The following RSF1 variants were observed in gnomAD, a reference collection of about 807,000 sequenced individuals.
RSF1 encodes the protein HBV pX-associated protein 8.
In RSF1, 13 loss-of-function variants were observed where a neutral mutation model predicts 145.2. The ratio of observed to expected loss-of-function variants is 0.09; its 90% CI spans 0.06 to 0.14. The LOEUF (loss-of-function observed/expected upper bound fraction) is 0.14. Ranked by LOEUF, RSF1 falls within the 10% of genes least tolerant of loss-of-function variation. The probability of loss-of-function intolerance (pLI) is 1.00; values close to 1 mark genes in which losing one functional copy is unlikely to be tolerated. For missense variants in RSF1, 1,517 were observed against 1,718.2 expected, an observed-to-expected ratio of 0.88 and a Z score of 2.07; for synonymous variants, 577 against 592.6, an observed-to-expected ratio of 0.97 and a Z score of 0.38.
intron 4 of RSF1, among the ~76,000 whole-genome samples, chr11:77,730,807 T>C (rs780829186): frequency 6.6e-6 from 1 of 152,202 alleles, no homozygotes; most frequent in Non-Finnish European, 1.5e-5. Flanking sequence ...GCCATTGATG[T>C]AAGACATGAC....
At chr11:77,738,582 G>T (rs2135907224) in intron 4 of RSF1, 1 of 152,242 alleles carries the variant, frequency 6.6e-6, no homozygotes, top group Middle Eastern at 3.4e-3. Flanking sequence ...GTCTACAGAT[G>T]GTAAGTGGAT....
chr11:77,861,797 T>A, the RSF1 span, among the ~76,000 whole-genome samples: 5 of 152,168 alleles, frequency 3.3e-5, no homozygotes, highest in Non-Finnish European at 7.3e-5. Context: ...TGGCCTTTTT[T>A]TTATCCCATT....
rs1299430098 is a variant in RSF1, at chr11:77,692,491, G to A, written c.2820+1016C>T. ...GATCTCCTGACCTCGTGATCCGCCC[G>A]CCTCGGCCTCCCAAAGTGCTGGGAT... On this transcript the variant is annotated intron_variant, in intron 8 of 15. Transcript: ENST00000308488. 5.9e-4 allele frequency among the ~76,000 whole-genome samples: 83 copies of A among 141,726 alleles called. 2 individuals are homozygous for A. The highest frequency in any genetic ancestry group is 1.0e-3 in the Non-Finnish European group (67 of 66,444). The allele number at this position is 141,726 out of a possible 152,430, so 93.0% of individuals were successfully genotyped here. A position where few individuals can be genotyped will look rare whatever the true frequency, so the allele number is the denominator to read the frequency against.
chr11:77,803,734 C>T (rs980215273), intron 1 of RSF1, among the ~76,000 whole-genome samples: 6 of 151,902 alleles, frequency 3.9e-5, no homozygotes, highest in African/African-American at 1.2e-4. Context: ...GCCAAGAGCA[C>T]GCTACTGCAC....
chr11:77,860,907 C>T, the RSF1 span, among the ~76,000 whole-genome samples: 54 of 152,202 alleles, frequency 3.5e-4, no homozygotes, highest in African/African-American at 1.2e-3. Context: ...CTTGCACTAA[C>T]GTTCACTGTC....
chr11:77,853,011 AT>A, the RSF1 span, among the ~76,000 whole-genome samples: 20 of 151,416 alleles, frequency 1.3e-4, no homozygotes, highest in African/African-American at 4.6e-4. Flanking sequence ...AACCATGTAC[AT>A]TTTTTTTTGT....
chr11:77,725,515 CA>C, intron 5 of RSF1, 29 bp downstream of exon 5: 1 of 1,493,268 alleles, frequency 6.7e-7, no homozygotes, highest in South Asian at 1.4e-5. Context: ...GATTACAAAA[CA>C]AAGCAAAACA....
At chr11:77,806,967 AC>A (rs1948683801) in intron 1 of RSF1, among the ~76,000 whole-genome samples, 1 of 152,266 alleles carries the variant, frequency 6.6e-6, no homozygotes, top group Non-Finnish European at 1.5e-5. Context: ...TATGCTAAAT[AC>A]TAGGCTAGAA....
At chr11:77,841,436 G>A in the RSF1 span, among the ~76,000 whole-genome samples, 1 of 152,146 alleles carries the variant, frequency 6.6e-6, no homozygotes, top group Non-Finnish European at 1.5e-5. Context: ...ATAGCTTAGT[G>A]TTCAGCCAAA....
At chr11:77,738,081 A>G (rs1961409956) in intron 4 of RSF1, among the ~76,000 whole-genome samples, 1 of 152,244 alleles carries the variant, frequency 6.6e-6, no homozygotes, top group South Asian at 2.1e-4. Context: ...GTGAGCCAAG[A>G]TCGCGCCACT....
At chr11:77,669,531 C>T (rs1959463272) in intron 15 of RSF1, among the ~76,000 whole-genome samples, 3 of 152,138 alleles carry the variant, frequency 2.0e-5, no homozygotes, top group Admixed American at 2.0e-4. Context: ...ACACTAGTCA[C>T]ATGTGGTTAT....
chr11:77,716,621 G>GA (rs1478912032), intron 5 of RSF1, among the ~76,000 whole-genome samples: 1 of 152,138 alleles, frequency 6.6e-6, no homozygotes, highest in Admixed American at 6.5e-5. Flanking sequence ...AAGGTGTGGG[G>GA]AGATGCTGGT....
intron 4 of RSF1, among the ~76,000 whole-genome samples, chr11:77,728,441 G>A (rs1174619297): frequency 6.6e-6 from 1 of 151,964 alleles, no homozygotes. Context: ...TTTGGAGGGC[G>A]AGGCAGGCAG....
intron 2 of RSF1, among the ~76,000 whole-genome samples, chr11:77,751,209 GATC>G (rs1019928003): frequency 1.3e-5 from 2 of 152,120 alleles, no homozygotes; most frequent in Non-Finnish European, 2.9e-5. Context: ...ATCTCAGTGG[GATC>G]ATTAACTTAT....
Position 77,745,771 on chromosome 11 carries a change from C to A in RSF1, c.372+1265G>T, listed in dbSNP as rs967101444. Reference sequence around the variant, plus strand: ...TATTTTGTATGATTAGGGTATAAGTCAGATTTCTTCCTATCTCTGCCCGGG... The same window carrying A: ...TATTTTGTATGATTAGGGTATAAGTAAGATTTCTTCCTATCTCTGCCCGGG... On this transcript the variant is annotated intron_variant, in intron 3 of 15. Coordinates refer to ENST00000308488, the MANE Select transcript of RSF1 (RefSeq NM_016578.4). 2.0e-5 allele frequency among the ~76,000 whole-genome samples: 3 copies of A among 151,010 alleles called. No individual in the cohort carries two copies. In the East Asian group the frequency reaches 5.8e-4, roughly 29 times the overall value.
At chr11:77,846,651 A>AGCCAAGATTGCGCCATTGCACTCC in the RSF1 span, among the ~76,000 whole-genome samples, 6 of 152,236 alleles carry the variant, frequency 3.9e-5, no homozygotes, top group African/African-American at 1.4e-4. Context: ...GGTTGCGGTG[A>AGCCAAGATTGCGCCATTGCACTCC]GCCAAGATTG....
At chr11:77,741,926 G>C (rs1023534823) in intron 3 of RSF1, among the ~76,000 whole-genome samples, 7 of 152,068 alleles carry the variant, frequency 4.6e-5, no homozygotes, top group African/African-American at 1.7e-4. Context: ...TCCACATTAA[G>C]TAATATCATG....
chr11:77,820,531 C>G lies in RSF1; in HGVS notation c.184G>C (p.Glu62Gln). ...GGCGTTCGGGCCCCTCGCTTACCTT[C>G]TCCGTTGCCGACGTCCGGCGGCGGC... is the stretch of plus-strand genomic sequence containing the variant. ...QAPPPDVGNG[E>Q]VPKELVELHL... The change falls in exon 1 of 16, where the codon GAA becomes CAA. Residue 62 changes from glutamate to glutamine, a missense_variant. By Grantham distance (29) the Glu-to-Gln change is conservative (BLOSUM62 2). Around this residue, in one of 12 missense-constraint regions of RSF1, gnomAD observed 85 missense variants for 91.8 expected, o/e 0.93. Coordinates refer to ENST00000308488, the MANE Select transcript of RSF1 (RefSeq NM_016578.4). 24 of 1,547,882 alleles carry G rather than the reference C, an allele frequency of 1.6e-5. No individual in the cohort carries two copies. Among genetic ancestry groups the G allele is most frequent in the Non-Finnish European group, 2.1e-5 (24 of 1,146,620 alleles).
chr11:77,669,926 T>TA (rs1565142395), intron 15 of RSF1, among the ~76,000 whole-genome samples: 2 of 152,284 alleles, frequency 1.3e-5, no homozygotes, highest in African/African-American at 2.4e-5. Flanking sequence ...GCCAGGAGTT[T>TA]AAGGTCAGCC....
Sources: allele counts gnomAD v4.1 joint callset (sites outside exome capture counted in the v4.1 genomes callset), GRCh38; gene constraint gnomAD v4.1.1; regional missense constraint gnomAD v4.1.1; transcripts MANE v1.5; gene names NCBI Gene and HGNC (gene_info 2026-07-23, HGNC 2026-07-21).